The following BLVRA variants were observed in gnomAD, a reference collection of about 807,000 sequenced individuals.
BLVRA encodes BVR A.
BLVRA carries 22 observed loss-of-function variants against 32.8 expected under a neutral mutation model. The ratio of observed to expected loss-of-function variants is 0.67; its 90% CI spans 0.48 to 0.96. The LOEUF is 0.96. Among genes scored for constraint, BLVRA ranks in the 40% least tolerant of loss-of-function variants. The probability of loss-of-function intolerance (pLI) is 0.00; values close to 1 mark genes in which losing one functional copy is unlikely to be tolerated. For missense variants in BLVRA, 323 were observed against 358.1 expected (o/e 0.90, Z 0.79); for synonymous variants, 119 against 141.3 (o/e 0.84, Z 1.12).
intron 3 of BLVRA, among the ~76,000 whole-genome samples, chr7:43,790,622 A>C (rs2095784669): frequency 6.6e-6 from 1 of 152,182 alleles, no homozygotes; most frequent in Admixed American, 6.6e-5. Flanking sequence ...TGGAACTGGA[A>C]GTGACCATAG....
chr7:43,796,121 CAAA>C (rs371922009), intron 5 of BLVRA, among the ~76,000 whole-genome samples: 2 of 66,680 alleles, frequency 3.0e-5, no homozygotes, highest in Non-Finnish European at 5.9e-5. Context: ...CTCTGTCTCA[CAAA>C]AAAAAAAAAA....
chr7:43,761,155 C>CT (rs1414279241), intron 1 of BLVRA, among the ~76,000 whole-genome samples: 2 of 152,180 alleles, frequency 1.3e-5, no homozygotes, highest in Non-Finnish European at 2.9e-5. Context: ...AGGTTGAACT[C>CT]TCAGGAACAG....
chr7:43,787,827 C>T lies in BLVRA; in HGVS notation c.13-77C>T. ...TTCCATCTTGCTCGTCGGGACCCTGCCAGCTCCTTTGTTTTGTAGTTTTCT... is the reference window on the plus strand; with the variant it reads ...TTCCATCTTGCTCGTCGGGACCCTGTCAGCTCCTTTGTTTTGTAGTTTTCT... On this transcript the variant is annotated intron_variant, in intron 2 of 7. Coordinates refer to ENST00000265523, the MANE Select transcript of BLVRA (RefSeq NM_000712.4). This position sits in a 1 kb window ranked among gnomAD's most constrained non-coding sequence, Gnocchi z 4.5. The T allele has an allele frequency of 6.2e-7, 1 of 1,611,566 alleles. No homozygotes were observed. The highest frequency in any genetic ancestry group is 8.5e-7 in the Non-Finnish European group (1 of 1,177,830).
At chr7:43,760,676 C>T (rs2095741227) in intron 1 of BLVRA, among the ~76,000 whole-genome samples, 1 of 151,098 alleles carries the variant, frequency 6.6e-6, no homozygotes. Context: ...CATTAATGGA[C>T]AGTGTATACC....
At chr7:43,766,669 G>A (rs183044684) in intron 1 of BLVRA, among the ~76,000 whole-genome samples, 22 of 152,108 alleles carry the variant, frequency 1.4e-4, no homozygotes, top group Admixed American at 1.1e-3. Context: ...TGGGATTGCT[G>A]CCTCTCCTGA....
At chr7:43,795,916 C>G (rs769788572) in intron 5 of BLVRA, among the ~76,000 whole-genome samples, 2 of 151,744 alleles carry the variant, frequency 1.3e-5, no homozygotes, top group Non-Finnish European at 2.9e-5. Flanking sequence ...CCTGCCTGGC[C>G]AAAATAGTGC....
chr7:43,779,094 C>A (rs1186950869), intron 2 of BLVRA, among the ~76,000 whole-genome samples: 1 of 152,222 alleles, frequency 6.6e-6, no homozygotes, highest in African/African-American at 2.4e-5. Flanking sequence ...ACTCCCTGAC[C>A]CCTTGCGCTT....
chr7:43,778,221 GC>G (rs1277982810), intron 2 of BLVRA, among the ~76,000 whole-genome samples: 1 of 152,162 alleles, frequency 6.6e-6, no homozygotes, highest in African/African-American at 2.4e-5. Flanking sequence ...GAGGCGCTCT[GC>G]TTTTTAGAGT....
intron 2 of BLVRA, among the ~76,000 whole-genome samples, chr7:43,781,854 G>T (rs849161): frequency 3.3e-5 from 5 of 151,898 alleles, no homozygotes; most frequent in Admixed American, 2.0e-4. Flanking sequence ...AGTCACAGGG[G>T]GTTAAGGAGC....
chr7:43,795,505 A>ACT (rs544923446), intron 5 of BLVRA, among the ~76,000 whole-genome samples: 344 of 152,288 alleles, frequency 2.3e-3, no homozygotes, highest in African/African-American at 7.6e-3. Flanking sequence ...ATGGAGTGAG[A>ACT]CTCTGCTCAA....
At chr7:43,800,368 T>C (rs1479071745) in intron 5 of BLVRA, 97 bp from the exon 6 acceptor site, 33 of 1,195,062 alleles carry the variant, frequency 2.8e-5, no homozygotes, top group Non-Finnish European at 3.8e-5. Context: ...TTATGAGTGC[T>C]TCATGTCTTG....
chr7:43,771,667 C>T (rs910444102), intron 2 of BLVRA, among the ~76,000 whole-genome samples: 6 of 152,346 alleles, frequency 3.9e-5, no homozygotes, highest in African/African-American at 9.6e-5. Flanking sequence ...GCTGTGCTGA[C>T]GCCCACTATG....
chr7:43,783,937 T>G (rs1260950008), intron 2 of BLVRA, among the ~76,000 whole-genome samples: 1 of 152,196 alleles, frequency 6.6e-6, no homozygotes, highest in African/African-American at 2.4e-5. Flanking sequence ...ATTTTACATT[T>G]TCTTCTACCC....
At chr7:43,803,975 G>T in intron 7 of BLVRA, 128 bp downstream of exon 7, 1 of 1,073,084 alleles carries the variant, frequency 9.3e-7, no homozygotes, top group Non-Finnish European at 1.4e-6. Flanking sequence ...GTCTGCTTCT[G>T]CAGATGGAGT....
intron 2 of BLVRA, among the ~76,000 whole-genome samples, chr7:43,781,731 A>G (rs551637541): frequency 2.6e-5 from 4 of 152,364 alleles, no homozygotes; most frequent in Non-Finnish European, 5.9e-5. Context: ...TTAATCTGCT[A>G]CACAGCAGCC....
At position 43,767,510 on chromosome 7, in the gene BLVRA, G is replaced by A. The variant is rs755099601; in HGVS notation, c.-21-3628G>A. ...CTGTTTTTATGCTGCTATTGTTGCC[G>A]TGGTCACCGGCCATGTGGTGCTGGC... On this transcript the variant is annotated intron_variant, in intron 1 of 7. Coordinates refer to ENST00000265523, the MANE Select transcript of BLVRA (RefSeq NM_000712.4). 1.1e-4 allele frequency: 129 copies of A among 1,214,004 alleles called. No homozygotes were observed. The African/African-American group carries it at 1.6e-3, about 15-fold the overall frequency. 75.2% of individuals were successfully genotyped at this position (1,214,004 alleles called of 1,614,324 possible). A position where few individuals can be genotyped will look rare whatever the true frequency, so the allele number is the denominator to read the frequency against.
At chr7:43,806,645 G>A (rs918428619) in intron 7 of BLVRA, among the ~76,000 whole-genome samples, 3 of 152,034 alleles carry the variant, frequency 2.0e-5, no homozygotes, top group African/African-American at 4.8e-5. Context: ...CTACTTGGGA[G>A]GCTGAGGCAG....
At chr7:43,768,844 C>G (rs2095751174) in intron 1 of BLVRA, among the ~76,000 whole-genome samples, 1 of 152,004 alleles carries the variant, frequency 6.6e-6, no homozygotes, top group Admixed American at 6.6e-5. Flanking sequence ...CCCGTGTCTT[C>G]ATGCACCCTC....
At chr7:43,782,411 G>A (rs999132770) in intron 2 of BLVRA, among the ~76,000 whole-genome samples, 120 of 152,300 alleles carry the variant, frequency 7.9e-4, no homozygotes, top group African/African-American at 2.7e-3. Flanking sequence ...TAAAGCTGGG[G>A]GCTGCCAGGA....
Sources: allele counts gnomAD v4.1 joint callset (sites outside exome capture counted in the v4.1 genomes callset), GRCh38; gene constraint gnomAD v4.1.1; non-coding constraint Gnocchi (gnomAD v3.1); transcripts MANE v1.5; gene names NCBI Gene and HGNC (gene_info 2026-07-23, HGNC 2026-07-21).